The following EFCAB5 variants were observed in gnomAD, a reference collection of about 807,000 sequenced individuals.
EFCAB5 encodes the protein EF-hand calcium-binding domain-containing protein 5.
A neutral mutation model predicts 167.9 loss-of-function variants in EFCAB5; 131 were observed. That is an observed-to-expected ratio of 0.78 (90% CI 0.68 to 0.90). The LOEUF (loss-of-function observed/expected upper bound fraction) is 0.90, where lower values mean the gene tolerates loss of function less well. EFCAB5 is among the 40% of genes least tolerant of loss of function. EFCAB5 has a pLI of 0.00. For synonymous variants in EFCAB5, 574 were observed against 602.8 expected, an observed-to-expected ratio of 0.95 and a Z score of 0.70; for missense variants, 1,663 against 1,745.2, an observed-to-expected ratio of 0.95 and a Z score of 0.84.
rs368097634 is a variant in EFCAB5, at chr17:29,987,224, GC to G, written c.768-5940del. Among the ~76,000 whole-genome samples, 626 of 152,230 alleles carry G rather than the reference GC, an allele frequency of 4.1e-3. 5 individuals are homozygous for G. The highest frequency in any genetic ancestry group is 0.014 in the African/African-American group (594 of 41,516). On this transcript the variant is annotated intron_variant, in intron 4 of 22. Transcript: ENST00000394835. ...TTCTTGATCTGTCCCCAGGTAGGTG[GC>G]TGTGTTCGACAGGTGTTGCTTGTGA...
At chr17:30,094,587 G>A (rs1428112342) in intron 22 of EFCAB5, among the ~76,000 whole-genome samples, 3 of 151,948 alleles carry the variant, frequency 2.0e-5, no homozygotes, top group Non-Finnish European at 4.4e-5. Flanking sequence ...GGAGGCTGAG[G>A]TGGGAGATCA....
At chr17:30,015,746 T>G (rs1280861420) in intron 7 of EFCAB5, among the ~76,000 whole-genome samples, 1 of 150,060 alleles carries the variant, frequency 6.7e-6, no homozygotes, top group East Asian at 1.9e-4. Flanking sequence ...CTTATTGTTC[T>G]TATTGGTTAT....
At chr17:29,932,924 A>G (rs1375150191) in intron 1 of EFCAB5, among the ~76,000 whole-genome samples, 3 of 152,232 alleles carry the variant, frequency 2.0e-5, no homozygotes, top group Non-Finnish European at 4.4e-5. Context: ...AAGTTAATTT[A>G]TTAATTTTCA....
intron 1 of EFCAB5, among the ~76,000 whole-genome samples, chr17:29,933,112 G>A (rs1681428288): frequency 6.6e-6 from 1 of 152,180 alleles, no homozygotes; most frequent in Non-Finnish European, 1.5e-5. Flanking sequence ...GGGGCTCAAA[G>A]CCAATTAGTA....
intron 14 of EFCAB5, chr17:30,068,581 G>A: frequency 9.2e-7 from 1 of 1,081,630 alleles, no homozygotes; most frequent in South Asian, 1.7e-5. Context: ...GCTGTCACCA[G>A]CTGCTGACAT....
At chr17:29,999,711 G>A (rs2151651415) in intron 6 of EFCAB5, among the ~76,000 whole-genome samples, 195 bp from the exon 7 acceptor site, 1 of 151,648 alleles carries the variant, frequency 6.6e-6, no homozygotes, top group African/African-American at 2.4e-5. Flanking sequence ...TATTTGGTTT[G>A]CTTGCTCAGC....
chr17:30,053,806 C>G lies in EFCAB5; in HGVS notation c.1852C>G (p.Arg618Gly). ...SRRESIAEQD[R>G]HKGSVAEQGS... ...CAGAGAGTCTATTGCAGAACAAGAT[C>G]GACACAAAGGGTCAGTAGCAGAACA... Residue 618 changes from arginine to glycine, a missense_variant, in exon 10 of 23, where the codon CGA becomes GGA. Arg to Gly is a moderately radical substitution (Grantham distance 125, BLOSUM62 -2). Transcript: ENST00000394835. The G allele has an allele frequency of 1.2e-6, 2 of 1,613,380 alleles. No homozygotes were observed. Among genetic ancestry groups the G allele is most frequent in the Non-Finnish European group, 1.7e-6 (2 of 1,179,450 alleles).
intron 22 of EFCAB5, among the ~76,000 whole-genome samples, chr17:30,098,215 G>A (rs1004068348): frequency 1.3e-4 from 19 of 150,208 alleles, no homozygotes; most frequent in African/African-American, 3.4e-4. Flanking sequence ...GATTACAGAC[G>A]TGAGCCACCA....
At chr17:30,003,755 C>T (rs915838889) in intron 7 of EFCAB5, among the ~76,000 whole-genome samples, 3 of 152,076 alleles carry the variant, frequency 2.0e-5, no homozygotes, top group Admixed American at 2.0e-4. Context: ...GCTTTAAAAT[C>T]CTTCTCAGAT....
In EFCAB5 at chr17:30,053,764, G is replaced by C; in HGVS notation, c.1810G>C (p.Ala604Pro). 6.2e-7 allele frequency: 1 copy of C among 1,613,916 alleles called. No individual in the cohort carries two copies. Among genetic ancestry groups the C allele is most frequent in the South Asian group, 1.1e-5 (1 of 91,082 alleles). ...ACAAGGATCAAGCAGAGAGTCAGTT[G>C]CAGAACAAGGGTCACGCAGAGAGTC... The part of the protein sequence containing the change: ...SEQGSSRESV[A>P]EQGSRRESIA... Residue 604 changes from alanine (A) to proline (P), a missense_variant, in exon 10 of 23, where the codon GCA becomes CCA. By Grantham distance (27) the Ala-to-Pro change is conservative (BLOSUM62 -1). Coordinates refer to ENST00000394835, the MANE Select transcript of EFCAB5 (RefSeq NM_198529.4).
At chr17:30,064,708 A>G (rs2070514838) in intron 14 of EFCAB5, among the ~76,000 whole-genome samples, 1 of 152,214 alleles carries the variant, frequency 6.6e-6, no homozygotes, top group Non-Finnish European at 1.5e-5. Flanking sequence ...TTCCTCTCCA[A>G]GGCAAATTAA....
chr17:30,022,349 G>A (rs2069199814), intron 7 of EFCAB5, among the ~76,000 whole-genome samples: 1 of 152,092 alleles, frequency 6.6e-6, no homozygotes, highest in Non-Finnish European at 1.5e-5. Context: ...ATACTGGATT[G>A]GACTAGGGTA....
intron 4 of EFCAB5, among the ~76,000 whole-genome samples, chr17:29,992,561 T>C (rs961792382): frequency 6.6e-6 from 1 of 152,186 alleles, no homozygotes; most frequent in African/African-American, 2.4e-5. Context: ...TTAGCCAAGA[T>C]GGTCTTGATC....
intron 4 of EFCAB5, among the ~76,000 whole-genome samples, chr17:29,988,787 C>T (rs890154240): frequency 4.0e-5 from 6 of 151,690 alleles, no homozygotes; most frequent in Admixed American, 3.9e-4. Context: ...CAATTTGATC[C>T]AAAAAAGGAG....
chr17:30,068,905 C>T (rs977296779), intron 14 of EFCAB5: 6 of 1,539,470 alleles, frequency 3.9e-6, no homozygotes, highest in African/African-American at 2.7e-5. Flanking sequence ...AGACACAGAA[C>T]GAGACCAAAT....
At position 29,930,797 on chromosome 17, in the gene EFCAB5, C is replaced by T. The variant is rs552875345; in HGVS notation, c.-127+1468C>T. ...AAAGGTTTGTGGTACCCTCATGCTTCCTCTATTGCCTGTCTAAAGACTTAT... is the reference window on the plus strand; with the variant it reads ...AAAGGTTTGTGGTACCCTCATGCTTTCTCTATTGCCTGTCTAAAGACTTAT... On this transcript the variant is annotated intron_variant, in intron 1 of 3. Coordinates refer to the EFCAB5 transcript ENST00000448319. Among the ~76,000 whole-genome samples the T allele has an allele frequency of 2.6e-4, 39 of 152,264 alleles. No individual in the cohort carries two copies. In the South Asian group the frequency reaches 2.7e-3, roughly 11 times the overall value.
chr17:29,942,212 C>T lies in EFCAB5; in HGVS notation c.43-28C>T, dbSNP rs1276439101. Reference sequence around the variant, plus strand: ...TTTAATCCACAGCTCTTTTTGGATGCCATTTACTAACACTGTTTGCATTTC... The same window carrying T: ...TTTAATCCACAGCTCTTTTTGGATGTCATTTACTAACACTGTTTGCATTTC... On this transcript the variant is annotated intron_variant, in intron 1 of 22. Transcript: ENST00000394835. 5 of 1,550,372 alleles carry T rather than the reference C, an allele frequency of 3.2e-6. No homozygotes were observed. The Admixed American group carries it at 1.0e-4, about 32-fold the overall frequency.
intron 5 of EFCAB5, among the ~76,000 whole-genome samples, chr17:29,995,191 T>A (rs2068518172): frequency 6.6e-6 from 1 of 152,190 alleles, no homozygotes; most frequent in Non-Finnish European, 1.5e-5. Context: ...CCTTGTTTGA[T>A]GAGAAGAATG....
intron 3 of EFCAB5, among the ~76,000 whole-genome samples, 162 bp downstream of exon 3, chr17:29,943,811 T>C (rs982499117): frequency 6.6e-6 from 1 of 152,066 alleles, no homozygotes; most frequent in Non-Finnish European, 1.5e-5. Context: ...CCATCTCTTC[T>C]AAAAATACAA....
Sources: allele counts gnomAD v4.1 joint callset (sites outside exome capture counted in the v4.1 genomes callset), GRCh38; gene constraint gnomAD v4.1.1; transcripts MANE v1.5; gene names NCBI Gene and HGNC (gene_info 2026-07-23, HGNC 2026-07-21).